Variants in RSPO2 observed in about 807,000 individuals in gnomAD.
RSPO2 encodes the protein R-spondin 2.
RSPO2 carries 14 observed loss-of-function variants against 30.9 expected under a neutral mutation model. That is an observed-to-expected ratio of 0.45 (90% CI 0.30 to 0.71). The LOEUF (loss-of-function observed/expected upper bound fraction) is 0.71, where lower values mean the gene tolerates loss of function less well. Ranked by LOEUF, RSPO2 falls within the 30% of genes least tolerant of loss-of-function variation. The pLI, the probability that RSPO2 is intolerant of heterozygous loss-of-function variation, is 0.08. For missense variants in RSPO2, 264 were observed against 301.9 expected, an observed-to-expected ratio of 0.87 and a Z score of 0.93; for synonymous variants, 107 against 96.4, an observed-to-expected ratio of 1.11 and a Z score of -0.64.
At chr8:107,918,512 A>C (rs1812050129) in intron 5 of RSPO2, among the ~76,000 whole-genome samples, 1 of 152,142 alleles carries the variant, frequency 6.6e-6, no homozygotes, top group South Asian at 2.1e-4. Flanking sequence ...TCCCTGTACA[A>C]GGTTCCTGAC....
At chr8:107,967,637 A>G (rs1813849580) in intron 3 of RSPO2, among the ~76,000 whole-genome samples, 1 of 152,186 alleles carries the variant, frequency 6.6e-6, no homozygotes, top group South Asian at 2.1e-4. Flanking sequence ...TTAACAGAAG[A>G]TACAGGGTTA....
At position 108,029,014 on chromosome 8, in the gene RSPO2, T is replaced by TA. The variant is rs1389423910; in HGVS notation, c.95-39771dup. ...CAGTTCAAATTCTAGTGCTGGTACT[T>TA]ACTAGAGCAGGGTAAACTTGGGTAA... On this transcript the variant is annotated intron_variant, in intron 2 of 5. Transcript: ENST00000276659. Among the ~76,000 whole-genome samples the TA allele has an allele frequency of 7.5e-5, 11 of 145,996 alleles. No individual in the cohort carries two copies. In the Admixed American group the frequency reaches 7.8e-4, roughly 10 times the overall value.
rs10530103 is a variant in RSPO2 at position 107,974,847 on chromosome 8, T to TACACACACACAC, written c.284-14042_284-14031dup. ...AGGATTGTGAACACACACATACACA[T>TACACACACACAC]ACACACACACACACACACAGGTTAA... On this transcript the variant is annotated intron_variant, in intron 3 of 5. Transcript: ENST00000276659. Among the ~76,000 whole-genome samples, 1,072 of 150,920 alleles carry TACACACACACAC rather than the reference T, an allele frequency of 7.1e-3. 14 individuals carry two copies. Among genetic ancestry groups the TACACACACACAC allele is most frequent in the African/African-American group, 0.021 (870 of 41,214 alleles).
intron 5 of RSPO2, among the ~76,000 whole-genome samples, chr8:107,956,400 A>C (rs1563538135): frequency 6.6e-6 from 1 of 152,224 alleles, no homozygotes; most frequent in Non-Finnish European, 1.5e-5. Flanking sequence ...TCAAAAAGAG[A>C]ATATTAGCAG....
At chr8:107,980,930 G>C (rs1044259128) in intron 3 of RSPO2, among the ~76,000 whole-genome samples, 16 of 152,122 alleles carry the variant, frequency 1.1e-4, no homozygotes, top group African/African-American at 3.9e-4. Context: ...TTCTGTATCA[G>C]TTTCATATGC....
chr8:107,916,768 A>G (rs575781672), intron 5 of RSPO2, among the ~76,000 whole-genome samples: 1 of 152,298 alleles, frequency 6.6e-6, no homozygotes. Context: ...GTTAAATATT[A>G]AAATAAAAGC....
chr8:108,028,072 A>C (rs1811280633), intron 2 of RSPO2, among the ~76,000 whole-genome samples: 1 of 152,166 alleles, frequency 6.6e-6, no homozygotes, highest in Non-Finnish European at 1.5e-5. Flanking sequence ...GACGCTCAAG[A>C]GACCAACCAT....
At chr8:107,976,002 G>A (rs1433811200) in intron 3 of RSPO2, among the ~76,000 whole-genome samples, 1 of 152,238 alleles carries the variant, frequency 6.6e-6, no homozygotes, top group Non-Finnish European at 1.5e-5. Context: ...GCATAGTGAT[G>A]TAAAGCCACT....
intron 2 of RSPO2, among the ~76,000 whole-genome samples, chr8:108,002,052 A>AT (rs1339230004): frequency 6.6e-6 from 1 of 152,218 alleles, no homozygotes; most frequent in Admixed American, 6.5e-5. Flanking sequence ...TTAAAGTATA[A>AT]TAAAAAAAAG....
At chr8:108,025,895 A>G (rs1462398901) in intron 2 of RSPO2, among the ~76,000 whole-genome samples, 1 of 152,334 alleles carries the variant, frequency 6.6e-6, no homozygotes, top group African/African-American at 2.4e-5. Flanking sequence ...CCACTTGGCA[A>G]TCATTACAGT....
chr8:108,056,781 C>G (rs1326667527), intron 2 of RSPO2, among the ~76,000 whole-genome samples: 1 of 151,404 alleles, frequency 6.6e-6, no homozygotes, highest in Non-Finnish European at 1.5e-5. Context: ...GTGGGCCAGG[C>G]ATGGTGGCTC....
chr8:108,028,410 G>T (rs938542422), intron 2 of RSPO2, among the ~76,000 whole-genome samples: 3 of 152,088 alleles, frequency 2.0e-5, no homozygotes, highest in African/African-American at 7.2e-5. Context: ...TCTACTGCTT[G>T]CTCTACATCG....
intron 5 of RSPO2, among the ~76,000 whole-genome samples, chr8:107,949,351 G>T (rs1586570427): frequency 6.6e-6 from 1 of 151,740 alleles, no homozygotes; most frequent in East Asian, 1.9e-4. Flanking sequence ...CTTTTTTGTG[G>T]CGGAGTGGTA....
chr8:107,975,826 A>C (rs75429733), intron 3 of RSPO2, among the ~76,000 whole-genome samples: 6,358 of 152,330 alleles, frequency 0.042, 186 homozygotes, highest in Non-Finnish European at 0.067. Flanking sequence ...GGTACATCCA[A>C]ATATAGCCAG....
At chr8:108,054,300 G>A (rs184162849) in intron 2 of RSPO2, among the ~76,000 whole-genome samples, 20 of 152,240 alleles carry the variant, frequency 1.3e-4, no homozygotes, top group African/African-American at 4.6e-4. Context: ...TTTGCAGCAG[G>A]AAGACTTTGA....
intron 1 of RSPO2, 86 bp from the exon 2 acceptor site, chr8:108,082,893 A>C: frequency 2.1e-6 from 1 of 478,072 alleles, no homozygotes; most frequent in Non-Finnish European, 3.7e-6. Flanking sequence ...TCCCAATTTA[A>C]AGAAGAGAGG....
chr8:107,899,878 C>T lies in RSPO2; in HGVS notation c.*1197G>A, dbSNP rs1313716241. On this transcript the variant is annotated 3_prime_UTR_variant, in exon 6 of 6. Coordinates refer to ENST00000276659, the MANE Select transcript of RSPO2 (RefSeq NM_178565.5). ...AAACAGATTCTGGCTCAACAGAAACCTGTTAAGATCTGACTGGCAGTCACA... is the reference window on the plus strand; with the variant it reads ...AAACAGATTCTGGCTCAACAGAAACTTGTTAAGATCTGACTGGCAGTCACA... 6.6e-6 allele frequency: 1 copy of T among 152,184 alleles called. No homozygotes were observed. The highest frequency in any genetic ancestry group is 1.5e-5 in the Non-Finnish European group (1 of 68,038). 9.4% of individuals were successfully genotyped at this position (152,184 alleles called of 1,614,324 possible).
At chr8:107,977,740 A>G (rs1339692771) in intron 3 of RSPO2, among the ~76,000 whole-genome samples, 1 of 152,108 alleles carries the variant, frequency 6.6e-6, no homozygotes, top group Non-Finnish European at 1.5e-5. Flanking sequence ...GAGGTATCAC[A>G]TATCTTTGCC....
At chr8:108,033,798 T>A (rs1474107676) in intron 2 of RSPO2, among the ~76,000 whole-genome samples, 1 of 152,172 alleles carries the variant, frequency 6.6e-6, no homozygotes. Context: ...CTGGTGGCCA[T>A]GTGTGGAAAG....
Sources: gnomAD v4.1 joint callset for allele counts (sites outside exome capture counted in the v4.1 genomes callset) on GRCh38, gnomAD v4.1.1 for gene constraint, MANE v1.5 for transcripts, NCBI Gene and HGNC (gene_info 2026-07-23, HGNC 2026-07-21) for gene names.